The following WDFY1 variants were observed in gnomAD, a reference collection of about 807,000 sequenced individuals.
The protein encoded by WDFY1 is WD repeat and FYVE domain-containing protein 1.
A neutral mutation model predicts 56.4 loss-of-function variants in WDFY1; 32 were observed. The observed-to-expected ratio is 0.57, with a 90% CI of 0.43 to 0.76. The LOEUF (loss-of-function observed/expected upper bound fraction) is 0.76, where lower values mean the gene tolerates loss of function less well. Among genes scored for constraint, WDFY1 ranks in the 30% least tolerant of loss-of-function variants. The pLI is 0.00. For synonymous variants in WDFY1, 192 were observed against 197.3 expected, an observed-to-expected ratio of 0.97 and a Z score of 0.23; for missense variants, 480 against 545.7, an observed-to-expected ratio of 0.88 and a Z score of 1.20.
At chr2:223,879,174 G>A (rs907912145) in intron 11 of WDFY1, among the ~76,000 whole-genome samples, 2 of 152,184 alleles carry the variant, frequency 1.3e-5, no homozygotes, top group African/African-American at 2.4e-5. Flanking sequence ...GTGACAGAGC[G>A]AGACCTTGTC....
chr2:223,890,546 G>A (rs1020690174), intron 8 of WDFY1, among the ~76,000 whole-genome samples: 2 of 152,156 alleles, frequency 1.3e-5, no homozygotes, highest in Non-Finnish European at 2.9e-5. Flanking sequence ...TCAGAATATA[G>A]CATTACACTG....
intron 3 of WDFY1, among the ~76,000 whole-genome samples, chr2:223,911,130 A>AAGAC (rs1262770369): frequency 6.6e-6 from 1 of 152,222 alleles, no homozygotes; most frequent in Non-Finnish European, 1.5e-5. Flanking sequence ...TGTTAAGTGA[A>AAGAC]AGACAGACAT....
rs71058956 is a variant in WDFY1 at position 223,896,155 on chromosome 2, C to CAAAAAAAAAAAAAAAAAA, written c.599-543_599-526dup. 1.2e-3 allele frequency among the ~76,000 whole-genome samples: 47 copies of CAAAAAAAAAAAAAAAAAA among 39,836 alleles called. 6 individuals are homozygous for CAAAAAAAAAAAAAAAAAA. Among genetic ancestry groups the CAAAAAAAAAAAAAAAAAA allele is most frequent in the African/African-American group, 1.4e-3 (13 of 9,480 alleles). The allele number at this position is 39,836 out of a possible 152,430, so 26.1% of individuals were successfully genotyped here. A position where few individuals can be genotyped will look rare whatever the true frequency, so the allele number is the denominator to read the frequency against. On this transcript the variant is annotated intron_variant, in intron 6 of 11. Coordinates refer to ENST00000233055, the MANE Select transcript of WDFY1 (RefSeq NM_020830.5). ...TGGGTGACAGAGTGAGACTCTGTCT[C>CAAAAAAAAAAAAAAAAAA]AAAAAAAAAAAAAAAAAAAAAAAAA... is the stretch of plus-strand genomic sequence containing the variant.
intron 1 of WDFY1, among the ~76,000 whole-genome samples, chr2:223,932,581 C>T (rs1164819639): frequency 6.6e-6 from 1 of 151,972 alleles, no homozygotes; most frequent in Non-Finnish European, 1.5e-5. Context: ...CTAATCACTC[C>T]AAAAACAGCT....
intron 7 of WDFY1, 60 bp downstream of exon 7, chr2:223,895,444 C>A: frequency 6.2e-7 from 1 of 1,611,654 alleles, no homozygotes; most frequent in Non-Finnish European, 8.5e-7. Flanking sequence ...ACTATTAATG[C>A]CTTTCACTAG....
chr2:223,909,574 C>G (rs1693658124), intron 3 of WDFY1, among the ~76,000 whole-genome samples: 2 of 152,118 alleles, frequency 1.3e-5, no homozygotes, highest in Non-Finnish European at 2.9e-5. Flanking sequence ...GTATCTTAAA[C>G]TAGGCTGGCT....
At chr2:223,912,440 G>A in intron 2 of WDFY1, 114 bp from the exon 3 acceptor site, 8 of 718,880 alleles carry the variant, frequency 1.1e-5, no homozygotes, top group South Asian at 4.2e-5. Context: ...ACAGAAAGAG[G>A]GTAAAAACGT....
intron 4 of WDFY1, among the ~76,000 whole-genome samples, chr2:223,902,386 G>A (rs1693520614): frequency 6.6e-6 from 1 of 152,102 alleles, no homozygotes; most frequent in Admixed American, 6.5e-5. Flanking sequence ...AACAAAGCAA[G>A]ACCCCACCTC....
intron 6 of WDFY1, among the ~76,000 whole-genome samples, chr2:223,895,837 A>G (rs1693358100): frequency 6.6e-6 from 1 of 152,086 alleles, no homozygotes; most frequent in Non-Finnish European, 1.5e-5. Flanking sequence ...ATCCACAGTC[A>G]TAAGATTACA....
intron 2 of WDFY1, among the ~76,000 whole-genome samples, chr2:223,916,578 G>A (rs1004852679): frequency 1.3e-5 from 2 of 152,162 alleles, no homozygotes; most frequent in Non-Finnish European, 2.9e-5. Flanking sequence ...GAAAATCACT[G>A]ATTAAGGACG....
chr2:223,878,678 G>A lies in WDFY1; in HGVS notation c.1226C>T (p.Pro409Leu), dbSNP rs201931574. ...VGCSLATGFS[P>L]H ...CGCCGCCCAGCTCTCAGATCAGTGC[G>A]GAGAAAACCCAGTCGCCAGACTGCA... Residue 409 changes from proline (P) to leucine (L), a missense_variant, in exon 12 of 12, where the codon CCG becomes CTG. Coordinates refer to ENST00000233055, the MANE Select transcript of WDFY1 (RefSeq NM_020830.5). 3.1e-5 allele frequency: 50 copies of A among 1,613,802 alleles called. No homozygotes were observed. The highest frequency in any genetic ancestry group is 1.5e-4 in the African/African-American group (11 of 75,034).
intron 8 of WDFY1, among the ~76,000 whole-genome samples, chr2:223,887,663 T>C (rs543203141): frequency 6.6e-6 from 1 of 152,308 alleles, no homozygotes; most frequent in African/African-American, 2.4e-5. Flanking sequence ...CTATTAAGTA[T>C]TACTTAAAAT....
intron 1 of WDFY1, among the ~76,000 whole-genome samples, chr2:223,936,572 TG>T (rs1276847029): frequency 1.3e-5 from 2 of 152,138 alleles, no homozygotes; most frequent in Admixed American, 1.3e-4. Flanking sequence ...TATGGGCAGG[TG>T]GGCAGAAAAG....
chr2:223,920,311 G>C (rs1693867412), intron 1 of WDFY1, among the ~76,000 whole-genome samples: 1 of 152,234 alleles, frequency 6.6e-6, no homozygotes, highest in South Asian at 2.1e-4. Context: ...GCACCCAGCA[G>C]GCTGGGCCCA....
intron 1 of WDFY1, among the ~76,000 whole-genome samples, chr2:223,923,174 C>T (rs1216376531): frequency 6.6e-6 from 1 of 152,150 alleles, no homozygotes; most frequent in Admixed American, 6.6e-5. Context: ...CTTTTCAAAC[C>T]AGACCCTTCC....
In WDFY1 at chr2:223,918,033, A is replaced by C. The variant is rs780262297; in HGVS notation, c.138-23T>G. ...GTTCTGTGGAGAAAAGAAAAGAAAA[A>C]ATAGAGTAGGTTTTAGTAATTTTAT... On this transcript the variant is annotated intron_variant, in intron 1 of 11. Coordinates refer to ENST00000233055, the MANE Select transcript of WDFY1 (RefSeq NM_020830.5). 4 of 1,609,324 alleles carry C rather than the reference A, an allele frequency of 2.5e-6. No homozygotes were observed. The Admixed American group carries it at 6.8e-5, about 27-fold the overall frequency.
At chr2:223,911,005 AAAC>A in intron 3 of WDFY1, among the ~76,000 whole-genome samples, 1 of 152,348 alleles carries the variant, frequency 6.6e-6, no homozygotes, top group Non-Finnish European at 1.5e-5. Flanking sequence ...CAAAAAGTGA[AAAC>A]AACCCAAATG....
intron 2 of WDFY1, among the ~76,000 whole-genome samples, chr2:223,916,961 T>C (rs1011836037): frequency 6.6e-6 from 1 of 152,012 alleles, no homozygotes; most frequent in Non-Finnish European, 1.5e-5. Flanking sequence ...ATTACAGGCA[T>C]GTGCCACCAT....
intron 1 of WDFY1, among the ~76,000 whole-genome samples, chr2:223,936,767 T>C (rs1172533594): frequency 1.3e-5 from 2 of 152,234 alleles, no homozygotes; most frequent in Non-Finnish European, 2.9e-5. Flanking sequence ...CCTACCTTCC[T>C]TCTGAGAGTT....
Sources: gnomAD v4.1 joint callset for allele counts (sites outside exome capture counted in the v4.1 genomes callset) on GRCh38, gnomAD v4.1.1 for gene constraint, MANE v1.5 for transcripts, NCBI Gene and HGNC (gene_info 2026-07-23, HGNC 2026-07-21) for gene names.